Variants in NTNG1 observed in about 807,000 individuals in gnomAD.
The protein encoded by NTNG1 is netrin-G1.
Under a neutral mutation model 54.0 loss-of-function variants are expected in NTNG1, and 16 were observed. That is an observed-to-expected ratio of 0.30 (90% CI 0.20 to 0.45). The LOEUF (loss-of-function observed/expected upper bound fraction) is 0.45, where lower values mean the gene tolerates loss of function less well. NTNG1 is among the 20% of genes least tolerant of loss of function. NTNG1 has a pLI of 1.00. For synonymous variants in NTNG1, 255 were observed against 263.1 expected, an observed-to-expected ratio of 0.97 and a Z score of 0.30; for missense variants, 530 against 678.7, an observed-to-expected ratio of 0.78 and a Z score of 2.43.
intron 5 of NTNG1, among the ~76,000 whole-genome samples, chr1:107,414,493 A>G (rs1400248140): frequency 2.6e-5 from 4 of 152,136 alleles, no homozygotes; most frequent in Non-Finnish European, 4.4e-5. Context: ...AATAATTTGT[A>G]TTGCTTTCTG....
intron 3 of NTNG1, among the ~76,000 whole-genome samples, chr1:107,343,225 T>C (rs1669008830): frequency 6.6e-6 from 1 of 152,140 alleles, no homozygotes; most frequent in African/African-American, 2.4e-5. Context: ...CTCCACTTTT[T>C]GGCAAAGAAG....
chr1:107,220,993 C>T (rs1660303802), intron 2 of NTNG1, among the ~76,000 whole-genome samples: 1 of 151,808 alleles, frequency 6.6e-6, no homozygotes, highest in Non-Finnish European at 1.5e-5. Context: ...TCAATGTAAC[C>T]TTGAGCAAAT....
At chr1:107,232,471 GT>G (rs1661136310) in intron 2 of NTNG1, among the ~76,000 whole-genome samples, 1 of 152,102 alleles carries the variant, frequency 6.6e-6, no homozygotes, top group Non-Finnish European at 1.5e-5. Context: ...GTGTCACCAT[GT>G]GCTTATATTG....
intron 7 of NTNG1, among the ~76,000 whole-genome samples, chr1:107,463,806 T>C (rs1677431213): frequency 1.3e-5 from 2 of 152,170 alleles, no homozygotes; most frequent in Non-Finnish European, 2.9e-5. Flanking sequence ...ATAGTCCTTA[T>C]TTCTTCTTCA....
rs2101264660 is a variant in NTNG1, at chr1:107,199,157, A to G, written c.246+50318A>G. Among the ~76,000 whole-genome samples the G allele has an allele frequency of 1.3e-5, 2 of 152,006 alleles. 1 individual carries two copies. Among genetic ancestry groups the G allele is most frequent in the South Asian group, 4.1e-4 (2 of 4,820 alleles). ...TCTTTTAGTAGGCCAAGGTCTTCTT[A>G]ATAATACCATATATTCTATATATCA... On this transcript the variant is annotated intron_variant, in intron 2 of 7. Coordinates refer to ENST00000370068, the MANE Select transcript of NTNG1 (RefSeq NM_001113226.3).
intron 2 of NTNG1, among the ~76,000 whole-genome samples, chr1:107,220,187 C>G (rs1390236168): frequency 6.6e-6 from 1 of 152,190 alleles, no homozygotes; most frequent in African/African-American, 2.4e-5. Flanking sequence ...TCACCCAGAT[C>G]CCATGCAGCC....
At chr1:107,290,675 T>G (rs1665521559) in intron 2 of NTNG1, among the ~76,000 whole-genome samples, 1 of 152,028 alleles carries the variant, frequency 6.6e-6, no homozygotes, top group South Asian at 2.1e-4. Context: ...AATGAAAATA[T>G]GCTGTTGTAT....
At chr1:107,459,816 A>G (rs1319270583) in intron 7 of NTNG1, among the ~76,000 whole-genome samples, 1 of 152,108 alleles carries the variant, frequency 6.6e-6, no homozygotes, top group South Asian at 2.1e-4. Context: ...ACAAGCATTC[A>G]TAGCAGCATT....
At chr1:107,426,294 A>G (rs778444814) in intron 5 of NTNG1, among the ~76,000 whole-genome samples, 1 of 151,992 alleles carries the variant, frequency 6.6e-6, no homozygotes, top group Non-Finnish European at 1.5e-5. Context: ...CAGGATTTCT[A>G]TGGTTTCAGG....
chr1:107,297,276 G>A (rs1666040883), intron 2 of NTNG1, among the ~76,000 whole-genome samples: 4 of 132,972 alleles, frequency 3.0e-5, no homozygotes, highest in Admixed American at 1.5e-4. Context: ...CAGCAGTTAA[G>A]GATGCATGTT....
chr1:107,244,557 AT>A (rs1317309231), intron 2 of NTNG1, among the ~76,000 whole-genome samples: 2 of 152,068 alleles, frequency 1.3e-5, no homozygotes, highest in Non-Finnish European at 2.9e-5. Flanking sequence ...TCCACTCTGT[AT>A]TTCTGTTTTC....
intron 7 of NTNG1, among the ~76,000 whole-genome samples, chr1:107,477,391 A>G (rs1678399277): frequency 6.6e-6 from 1 of 152,252 alleles, no homozygotes; most frequent in Non-Finnish European, 1.5e-5. Context: ...TCAAGGAAAC[A>G]GGATCTTCCA....
chr1:107,367,254 C>T (rs1472850914), intron 3 of NTNG1, among the ~76,000 whole-genome samples: 1 of 152,018 alleles, frequency 6.6e-6, no homozygotes, highest in Non-Finnish European at 1.5e-5. Flanking sequence ...AAGTACAGAT[C>T]TTAATGTTTG....
At chr1:107,462,522 C>G (rs1301906625) in intron 7 of NTNG1, among the ~76,000 whole-genome samples, 1 of 152,164 alleles carries the variant, frequency 6.6e-6, no homozygotes, top group African/African-American at 2.4e-5. Flanking sequence ...AATAGATGTT[C>G]GCTTTTGTTA....
At chr1:107,192,332 A>G (rs933114817) in intron 2 of NTNG1, among the ~76,000 whole-genome samples, 4 of 151,994 alleles carry the variant, frequency 2.6e-5, no homozygotes, top group African/African-American at 9.7e-5. Context: ...TTTTTACACA[A>G]CCATCCTGGA....
chr1:107,347,082 G>C (rs1464835066), intron 3 of NTNG1, among the ~76,000 whole-genome samples: 1 of 151,790 alleles, frequency 6.6e-6, no homozygotes, highest in South Asian at 2.1e-4. Context: ...TCACAGTAAG[G>C]CTTCCTATCA....
chr1:107,302,180 C>T (rs1325544870), intron 2 of NTNG1, among the ~76,000 whole-genome samples: 3 of 152,130 alleles, frequency 2.0e-5, no homozygotes, highest in South Asian at 2.1e-4. Context: ...TGTCCATGTA[C>T]GTGGAGTACC....
At chr1:107,192,885 G>T (rs1033186403) in intron 2 of NTNG1, among the ~76,000 whole-genome samples, 3 of 151,982 alleles carry the variant, frequency 2.0e-5, no homozygotes, top group Non-Finnish European at 2.9e-5. Context: ...TAAGACTACT[G>T]TGATTTCCTG....
intron 3 of NTNG1, among the ~76,000 whole-genome samples, chr1:107,335,555 G>C (rs541853693): frequency 4.0e-5 from 6 of 151,788 alleles, no homozygotes; most frequent in African/African-American, 1.5e-4. Context: ...TATTAATAGC[G>C]TGAGGCTAAT....
Sources: allele counts gnomAD v4.1 joint callset (sites outside exome capture counted in the v4.1 genomes callset), GRCh38; gene constraint gnomAD v4.1.1; transcripts MANE v1.5; gene names NCBI Gene and HGNC (gene_info 2026-07-23, HGNC 2026-07-21).